Variants in REDIC1 observed in about 807,000 individuals in gnomAD.
REDIC1 encodes the protein HEI10 Interacting Protein 1.
chr12:39,900,855 A>T, the REDIC1 span, among the ~76,000 whole-genome samples: 1 of 152,202 alleles, frequency 6.6e-6, no homozygotes, highest in Non-Finnish European at 1.5e-5. Context: ...GTTCATATGC[A>T]ACCAAAAAAG....
the REDIC1 span, among the ~76,000 whole-genome samples, chr12:39,716,490 C>T: frequency 6.6e-6 from 1 of 151,908 alleles, no homozygotes; most frequent in Non-Finnish European, 1.5e-5. Flanking sequence ...ATCAATCCAA[C>T]TTTCTCTATT....
the REDIC1 span, among the ~76,000 whole-genome samples, chr12:39,683,937 G>A: frequency 6.6e-6 from 1 of 152,068 alleles, no homozygotes; most frequent in South Asian, 2.1e-4. Context: ...AGATGTTAGT[G>A]GCATAAGCAA....
the REDIC1 span, among the ~76,000 whole-genome samples, chr12:39,750,301 A>G: frequency 6.6e-6 from 1 of 152,206 alleles, no homozygotes; most frequent in South Asian, 2.1e-4. Flanking sequence ...TCATGAGTGA[A>G]CTCCCATTCA....
chr12:39,683,217 T>A, the REDIC1 span: 1 of 1,375,004 alleles, frequency 7.3e-7, no homozygotes, highest in South Asian at 1.4e-5. Context: ...TGTATATTCA[T>A]ACACACACAT....
At chr12:39,720,127 T>C in the REDIC1 span, among the ~76,000 whole-genome samples, 2 of 151,986 alleles carry the variant, frequency 1.3e-5, no homozygotes, top group Non-Finnish European at 2.9e-5. Context: ...AATCTAGACC[T>C]ATTAAAAAGT....
the REDIC1 span, among the ~76,000 whole-genome samples, chr12:39,699,292 C>T: frequency 1.4e-4 from 22 of 152,148 alleles, no homozygotes; most frequent in Non-Finnish European, 2.1e-4. Flanking sequence ...ACTCGGGAAG[C>T]GAAAGGGGTC....
At chr12:39,837,572 A>C in the REDIC1 span, among the ~76,000 whole-genome samples, 1 of 145,716 alleles carries the variant, frequency 6.9e-6, no homozygotes, top group South Asian at 2.3e-4. Flanking sequence ...AATGGGAGAA[A>C]ATTTTCACAA....
chr12:39,766,922 G>C, the REDIC1 span, among the ~76,000 whole-genome samples: 16 of 152,006 alleles, frequency 1.1e-4, no homozygotes, highest in Non-Finnish European at 2.4e-4. Flanking sequence ...CTCCCCTAAA[G>C]TCTTCAGCCC....
the REDIC1 span, among the ~76,000 whole-genome samples, chr12:39,702,761 G>T: frequency 1.3e-5 from 2 of 152,086 alleles, 1 homozygote; most frequent in African/African-American, 4.8e-5. Context: ...TCATCCCTGG[G>T]ATGCAAGGCT....
chr12:39,793,484 G>A, the REDIC1 span, among the ~76,000 whole-genome samples: 3 of 152,138 alleles, frequency 2.0e-5, no homozygotes, highest in African/African-American at 7.2e-5. Flanking sequence ...TGCAAAGGAT[G>A]TAAATAACCA....
the REDIC1 span, chr12:39,755,386 C>T: frequency 6.6e-6 from 1 of 151,892 alleles, no homozygotes; most frequent in Non-Finnish European, 1.5e-5. Flanking sequence ...ATTTTAAAAG[C>T]ATAAAACTGT....
chr12:39,905,532 A>G, the REDIC1 span, among the ~76,000 whole-genome samples: 2 of 152,132 alleles, frequency 1.3e-5, no homozygotes, highest in Non-Finnish European at 2.9e-5. Context: ...ATATGGTCTA[A>G]GAATACTACC....
the REDIC1 span, among the ~76,000 whole-genome samples, chr12:39,649,579 C>CTTT: frequency 7.6e-6 from 1 of 132,130 alleles, no homozygotes; most frequent in African/African-American, 2.8e-5. Context: ...TTTGACTCTC[C>CTTT]TTTTTTTTTT....
chr12:39,631,404 T>C, the REDIC1 span, among the ~76,000 whole-genome samples: 4 of 152,158 alleles, frequency 2.6e-5, no homozygotes, highest in Non-Finnish European at 2.9e-5. Context: ...TTCAGATATA[T>C]TGGAATATTG....
chr12:39,790,183 T>A, the REDIC1 span, among the ~76,000 whole-genome samples: 1 of 150,686 alleles, frequency 6.6e-6, no homozygotes, highest in South Asian at 2.1e-4. Flanking sequence ...AATTTTTTAT[T>A]AGTATAGCCT....
the REDIC1 span, among the ~76,000 whole-genome samples, chr12:39,858,753 C>G: frequency 3.3e-5 from 5 of 152,042 alleles, no homozygotes; most frequent in African/African-American, 1.2e-4. Flanking sequence ...ATTATAGGAG[C>G]CTGCCACCAC....
the REDIC1 span, among the ~76,000 whole-genome samples, chr12:39,900,367 G>T: frequency 2.0e-5 from 3 of 152,152 alleles, no homozygotes; most frequent in South Asian, 6.2e-4. Flanking sequence ...GAAATAAAGG[G>T]GATTATATTA....
At chr12:39,849,576 C>T in the REDIC1 span, among the ~76,000 whole-genome samples, 4 of 152,114 alleles carry the variant, frequency 2.6e-5, no homozygotes, top group Non-Finnish European at 4.4e-5. Context: ...TAAATTGTTC[C>T]TTTGTGACTC....
chr12:39,692,917 A>G, the REDIC1 span, among the ~76,000 whole-genome samples: 2,353 of 152,194 alleles, frequency 0.015, 57 homozygotes, highest in African/African-American at 0.051. Flanking sequence ...GCAAGGGATA[A>G]CAGTCTTGGT....
Sources: gnomAD v4.1 joint callset for allele counts (sites outside exome capture counted in the v4.1 genomes callset) on GRCh38, gnomAD v4.1.1 for gene constraint, MANE v1.5 for transcripts, NCBI Gene and HGNC (gene_info 2026-07-23, HGNC 2026-07-21) for gene names.